Variants in FLT1 observed in about 807,000 individuals in gnomAD.
FLT1 encodes vascular endothelial growth factor receptor 1.
A neutral mutation model predicts 156.3 loss-of-function variants in FLT1; 49 were observed. That is an observed-to-expected ratio of 0.31 (90% confidence interval 0.25 to 0.40). FLT1 has a LOEUF of 0.40. Ranked by LOEUF, FLT1 falls within the 10% of genes least tolerant of loss-of-function variation. The pLI is 1.00. For missense variants in FLT1, 1,322 were observed against 1,637.2 expected, an observed-to-expected ratio of 0.81 and a Z score of 3.32; for synonymous variants, 594 against 583.8, an observed-to-expected ratio of 1.02 and a Z score of -0.25.
intron 10 of FLT1, 22 bp downstream of exon 10, chr13:28,427,137 T>C (rs748451634): frequency 6.2e-7 from 1 of 1,610,510 alleles, no homozygotes; most frequent in East Asian, 2.2e-5. Flanking sequence ...TGAAAGTTAG[T>C]AAAAAAACTG....
At chr13:28,430,272 G>A in intron 7 of FLT1, 105 bp from the exon 8 acceptor site, 1 of 783,148 alleles carries the variant, frequency 1.3e-6, no homozygotes, top group Non-Finnish European at 2.2e-6. Flanking sequence ...AATAAACAGA[G>A]CTGAATTATG....
At chr13:28,311,876 C>A in intron 26 of FLT1, 117 bp downstream of exon 26, 1 of 1,095,278 alleles carries the variant, frequency 9.1e-7, no homozygotes, top group Non-Finnish European at 1.4e-6. Flanking sequence ...CACACACACC[C>A]TTTTTTTAAA....
chr13:28,384,008 T>C (rs1874203623), intron 14 of FLT1, among the ~76,000 whole-genome samples: 1 of 152,250 alleles, frequency 6.6e-6, no homozygotes, highest in African/African-American at 2.4e-5. Context: ...CCCATGGCAC[T>C]ATATGTATTG....
intron 14 of FLT1, among the ~76,000 whole-genome samples, chr13:28,372,076 ATTTTTTTT>A (rs56114428): frequency 6.8e-4 from 8 of 11,750 alleles, no homozygotes; most frequent in African/African-American, 2.5e-3. Flanking sequence ...ATATATATAT[ATTTTTTTT>A]TTTTTTTTTT....
At chr13:28,382,139 A>G (rs1874105409) in intron 14 of FLT1, among the ~76,000 whole-genome samples, 1 of 152,194 alleles carries the variant, frequency 6.6e-6, no homozygotes, top group African/African-American at 2.4e-5. Flanking sequence ...TCAGCAAGAG[A>G]GAAGTAGAAA....
intron 1 of FLT1, among the ~76,000 whole-genome samples, chr13:28,482,574 T>A (rs1469541536): frequency 6.6e-6 from 1 of 152,122 alleles, no homozygotes; most frequent in African/African-American, 2.4e-5. Flanking sequence ...AAACCTCCCC[T>A]CCTAAGTTTG....
intron 25 of FLT1, among the ~76,000 whole-genome samples, chr13:28,314,135 C>T (rs982954517): frequency 2.6e-5 from 4 of 152,126 alleles, no homozygotes; most frequent in African/African-American, 9.7e-5. Flanking sequence ...GAGGTTGAGG[C>T]TGGGCTCCAA....
chr13:28,336,012 C>G (rs1702618176), intron 17 of FLT1, among the ~76,000 whole-genome samples: 1 of 152,150 alleles, frequency 6.6e-6, no homozygotes, highest in Non-Finnish European at 1.5e-5. Context: ...GTTTTTCTTC[C>G]ACAATGCCTT....
rs373993107 is a variant in FLT1, at chr13:28,304,510, GT to G, written c.3816-1143del. 5.4e-3 allele frequency among the ~76,000 whole-genome samples: 782 copies of G among 144,680 alleles called. 4 individuals carry two copies. Among genetic ancestry groups the G allele is most frequent in the African/African-American group, 0.018 (704 of 39,690 alleles). The allele number at this position is 144,680 out of a possible 152,430, so 94.9% of individuals were successfully genotyped here. A position where few individuals can be genotyped will look rare whatever the true frequency, so the allele number is the denominator to read the frequency against. On this transcript the variant is annotated intron_variant, in intron 29 of 29. Transcript: ENST00000282397. Reference sequence around the variant, plus strand: ...ACCCATATCTGCCCACCTGTCTGGTGTTTTTTTTTTTAATGAGAGCTTTATG... The same window carrying G: ...ACCCATATCTGCCCACCTGTCTGGTGTTTTTTTTTTAATGAGAGCTTTATG...
At chr13:28,329,433 G>A (rs1871827449) in intron 19 of FLT1, among the ~76,000 whole-genome samples, 182 bp downstream of exon 19, 1 of 152,182 alleles carries the variant, frequency 6.6e-6, no homozygotes, top group African/African-American at 2.4e-5. Flanking sequence ...AACGGCACAG[G>A]GAAGGGATTT....
chr13:28,394,939 G>C (rs899579141), intron 12 of FLT1, among the ~76,000 whole-genome samples: 3 of 152,192 alleles, frequency 2.0e-5, no homozygotes, highest in African/African-American at 7.2e-5. Context: ...GTGGCCAAAG[G>C]AGACTATCTG....
At chr13:28,393,482 T>C (rs554433751) in intron 12 of FLT1, among the ~76,000 whole-genome samples, 3 of 152,194 alleles carry the variant, frequency 2.0e-5, no homozygotes, top group Non-Finnish European at 4.4e-5. Flanking sequence ...TATGTACAAG[T>C]GTGTGCCAAA....
chr13:28,327,672 T>G (rs550608673), intron 19 of FLT1, 122 bp from the exon 20 acceptor site: 1 of 716,204 alleles, frequency 1.4e-6, no homozygotes, highest in African/African-American at 1.8e-5. Flanking sequence ...GGCGAAGGGA[T>G]GCGATTTAGG....
chr13:28,467,703 C>A lies in FLT1; in HGVS notation c.65-86G>T. Reference sequence around the variant, plus strand: ...TATCTTTCCATGAAGGTGAGTTTTTCATTTTTAATTTATTTACATCTTTAA... The same window carrying A: ...TATCTTTCCATGAAGGTGAGTTTTTAATTTTTAATTTATTTACATCTTTAA... On this transcript the variant is annotated intron_variant, in intron 1 of 29. Coordinates refer to ENST00000282397, the MANE Select transcript of FLT1 (RefSeq NM_002019.4). 11 of 711,046 alleles carry A rather than the reference C, an allele frequency of 1.5e-5. No individual in the cohort carries two copies. In the South Asian group the frequency reaches 1.7e-4, roughly 11 times the overall value. The allele number at this position is 711,046 out of a possible 1,614,324, so 44.0% of individuals were successfully genotyped here. A position where few individuals can be genotyped will look rare whatever the true frequency, so the allele number is the denominator to read the frequency against.
At chr13:28,316,147 G>A (rs117725653) in intron 25 of FLT1, among the ~76,000 whole-genome samples, 24 of 152,210 alleles carry the variant, frequency 1.6e-4, no homozygotes, top group Non-Finnish European at 1.0e-4. Flanking sequence ...GTCCCCTCCC[G>A]CTTCCCTACG....
At chr13:28,446,421 C>A (rs1171863417) in intron 3 of FLT1, among the ~76,000 whole-genome samples, 1 of 152,112 alleles carries the variant, frequency 6.6e-6, no homozygotes, top group Non-Finnish European at 1.5e-5. Flanking sequence ...AAGGAATCCA[C>A]TAAAAAACTA....
At chr13:28,441,702 A>T (rs1361105061) in intron 3 of FLT1, among the ~76,000 whole-genome samples, 1 of 152,166 alleles carries the variant, frequency 6.6e-6, no homozygotes, top group Non-Finnish European at 1.5e-5. Flanking sequence ...GCACTTTGGG[A>T]GGCTGAGGCA....
At chr13:28,493,325 AAT>A (rs1208518015) in intron 1 of FLT1, among the ~76,000 whole-genome samples, 1 of 152,210 alleles carries the variant, frequency 6.6e-6, no homozygotes, top group East Asian at 1.9e-4. Context: ...CATTTTATTT[AAT>A]ATAGTTATGT....
intron 3 of FLT1, among the ~76,000 whole-genome samples, chr13:28,447,657 G>A (rs191529425): frequency 2.6e-3 from 389 of 151,978 alleles, no homozygotes; most frequent in Middle Eastern, 0.017. Flanking sequence ...AAAGTGAAAA[G>A]GTAACCCAAA....
Sources: allele counts gnomAD v4.1 joint callset (sites outside exome capture counted in the v4.1 genomes callset), GRCh38; gene constraint gnomAD v4.1.1; transcripts MANE v1.5; gene names NCBI Gene and HGNC (gene_info 2026-07-23, HGNC 2026-07-21).